The following NUP188 variants were observed in gnomAD, a reference collection of about 807,000 sequenced individuals.
NUP188 encodes nucleoporin 188.
A neutral mutation model predicts 223.0 loss-of-function variants in NUP188; 97 were observed. The ratio of observed to expected loss-of-function variants is 0.43; its 90% CI spans 0.37 to 0.51. The LOEUF is 0.51. Ranked by LOEUF, NUP188 falls within the 20% of genes least tolerant of loss-of-function variation. The pLI, the probability that NUP188 is intolerant of heterozygous loss-of-function variation, is 0.00. For synonymous variants in NUP188, 869 were observed against 828.0 expected (o/e 1.05, Z -0.85); for missense variants, 1,947 against 2,175.6 (o/e 0.89, Z 2.09).
intron 8 of NUP188, among the ~76,000 whole-genome samples, chr9:128,968,283 A>G (rs1842059101): frequency 6.6e-6 from 1 of 152,058 alleles, no homozygotes; most frequent in South Asian, 2.1e-4. Context: ...TAAAAAAAAA[A>G]ATTAAATACG....
intron 34 of NUP188, 101 bp from the exon 35 acceptor site, chr9:129,001,427 TG>T: frequency 2.0e-6 from 2 of 980,014 alleles, no homozygotes; most frequent in South Asian, 2.8e-5. Context: ...TAGCAATGTG[TG>T]TAACCAAGCA....
chr9:128,960,812 C>T (rs1841937499), intron 8 of NUP188, among the ~76,000 whole-genome samples: 1 of 151,882 alleles, frequency 6.6e-6, no homozygotes, highest in Admixed American at 6.6e-5. Context: ...TGGTGGGGCA[C>T]GGTGGCTCAG....
chr9:128,983,299 G>A lies in NUP188; in HGVS notation c.1803G>A (p.Thr601=). 6.2e-7 allele frequency: 1 copy of A among 1,613,890 alleles called. No individual in the cohort carries two copies. Among genetic ancestry groups the A allele is most frequent in the Middle Eastern group, 1.6e-4 (1 of 6,062 alleles). ...SRIYMLLQRL[T]TVISPPVDVI... is the part of the protein sequence containing the mutation. The stretch of plus-strand genomic sequence containing the variant: ...TGTATTGTTCTCCAACCAGGTTAAC[G>A]ACAGTGATCTCCCCACCTGTGGATG... The change falls in exon 18 of 44, where the codon ACG becomes ACA. Residue 601 remains threonine, a synonymous_variant. Transcript: ENST00000372577.
chr9:128,987,830 C>T, intron 23 of NUP188, 113 bp downstream of exon 23: 2 of 1,411,388 alleles, frequency 1.4e-6, no homozygotes, highest in Non-Finnish European at 1.9e-6. Context: ...ATTGTTCTTC[C>T]TAGGACATAG....
intron 8 of NUP188, among the ~76,000 whole-genome samples, chr9:128,968,088 C>T (rs17481261): frequency 2.6e-5 from 4 of 152,064 alleles, no homozygotes; most frequent in African/African-American, 9.7e-5. Context: ...AAGACCTGTT[C>T]TCTTCCAAAA....
At chr9:128,954,194 C>T (rs1472955567) in intron 3 of NUP188, among the ~76,000 whole-genome samples, 1 of 151,952 alleles carries the variant, frequency 6.6e-6, no homozygotes, top group Non-Finnish European at 1.5e-5. Flanking sequence ...TGCCTGTAGT[C>T]TCCTCTTAGC....
At position 128,968,617 on chromosome 9, in the gene NUP188, C is replaced by A; in HGVS notation, c.697C>A (p.Leu233Ile). ...AYFEMAPSDL[L>I]VLTKMFKEQG... ...CTTTGAGATGGCACCCAGTGACTTA[C>A]TTGTATTAACCAAGATGTTTAAAGA... Residue 233 changes from leucine (L) to isoleucine (I), a missense_variant, in exon 9 of 44, where the codon CTT becomes ATT. Around this residue, in one of 3 missense-constraint regions of NUP188, gnomAD observed 817 missense variants for 865.8 expected, o/e 0.94. Transcript: ENST00000372577. 6.2e-7 allele frequency: 1 copy of A among 1,613,996 alleles called. No homozygotes were observed.
chr9:128,965,001 C>T (rs940139341), intron 8 of NUP188, among the ~76,000 whole-genome samples: 6 of 152,138 alleles, frequency 3.9e-5, no homozygotes, highest in African/African-American at 7.2e-5. Flanking sequence ...CCTCCTCACC[C>T]GGCCAAAATT....
At chr9:128,988,287 T>C (rs1363853237) in intron 24 of NUP188, 101 bp downstream of exon 24, 1 of 1,315,778 alleles carries the variant, frequency 7.6e-7, no homozygotes, top group East Asian at 2.3e-5. Flanking sequence ...ATGTCAACAG[T>C]ATTTTCTGCT....
chr9:128,980,742 G>A lies in NUP188; in HGVS notation c.1389+17G>A, dbSNP rs1237988944. On this transcript the variant is annotated intron_variant, in intron 14 of 43. Coordinates refer to ENST00000372577, the MANE Select transcript of NUP188 (RefSeq NM_015354.3). Reference sequence around the variant, plus strand: ...GCCAAAAAGGTAAGTTGCTTAGTCAGATAAGTAAAGAGAATGGGAGATTCT... The same window carrying A: ...GCCAAAAAGGTAAGTTGCTTAGTCAAATAAGTAAAGAGAATGGGAGATTCT... 1.2e-6 allele frequency: 2 copies of A among 1,612,242 alleles called. No individual in the cohort carries two copies. Among genetic ancestry groups the A allele is most frequent in the Admixed American group, 1.7e-5 (1 of 59,564 alleles).
chr9:128,969,422 G>A lies in NUP188; in HGVS notation c.820G>A (p.Val274Met). Residue 274 changes from valine (V) to methionine (M), a missense_variant, in exon 10 of 44, where the codon GTG becomes ATG. Physicochemically the swap from Val to Met is conservative, Grantham distance 21. Coordinates refer to ENST00000372577, the MANE Select transcript of NUP188 (RefSeq NM_015354.3). ...RIGYFSALIL[V>M]EGMDIESLHK... ...TAGCTACTTCAGTGCCCTCATCCTG[G>A]TGGAGGGCATGGATATCGAGTCCTT... 6.2e-7 allele frequency: 1 copy of A among 1,611,794 alleles called. No homozygotes were observed. Among genetic ancestry groups the A allele is most frequent in the Non-Finnish European group, 8.5e-7 (1 of 1,178,892 alleles).
At position 128,969,459 on chromosome 9, in the gene NUP188, C is replaced by A; in HGVS notation, c.857C>A (p.Ala286Asp). 1.2e-6 allele frequency: 2 copies of A among 1,604,130 alleles called. No homozygotes were observed. The highest frequency in any genetic ancestry group is 1.7e-6 in the Non-Finnish European group (2 of 1,176,962). ...GMDIESLHKC[A>D]LDDRRELHQF... The stretch of plus-strand genomic sequence containing the variant: ...GATATCGAGTCCTTGCATAAGTGTG[C>A]TTTGGATGACAGAAGAGAACTGCAT... The change falls in exon 10 of 44, where the codon GCT (alanine) becomes GAT (aspartate). Residue 286 changes from alanine to aspartate, a missense_variant. Coordinates refer to ENST00000372577, the MANE Select transcript of NUP188 (RefSeq NM_015354.3).
intron 2 of NUP188, among the ~76,000 whole-genome samples, chr9:128,950,246 CAG>C (rs993716582): frequency 1.3e-5 from 2 of 151,156 alleles, no homozygotes; most frequent in African/African-American, 4.9e-5. Context: ...GTTGTTGAGA[CAG>C]AGTCTGGCTC....
At chr9:128,999,055 G>T in intron 32 of NUP188, 117 bp from the exon 33 acceptor site, 1 of 746,894 alleles carries the variant, frequency 1.3e-6, no homozygotes, top group Admixed American at 2.4e-5. Flanking sequence ...GTTTCACCAT[G>T]TTGGCCAGGC....
intron 11 of NUP188, 79 bp from the exon 12 acceptor site, chr9:128,973,081 T>C: frequency 1.3e-6 from 1 of 766,876 alleles, no homozygotes; most frequent in Non-Finnish European, 2.1e-6. Context: ...AAAGAATATA[T>C]GAATGCGATA....
intron 36 of NUP188, 61 bp downstream of exon 36, chr9:129,002,037 G>T: frequency 6.6e-6 from 9 of 1,360,102 alleles, no homozygotes; most frequent in Non-Finnish European, 9.5e-6. Flanking sequence ...CAGTTGAAAA[G>T]TGTCCTCCCC....
intron 8 of NUP188, among the ~76,000 whole-genome samples, chr9:128,961,622 A>ATAGATAGATAGATAGAT (rs774001270): frequency 3.1e-4 from 41 of 133,950 alleles, no homozygotes; most frequent in African/African-American, 1.2e-3. Flanking sequence ...AGATAGATAG[A>ATAGATAGATAGATAGAT]TTTTTTTTTT....
At chr9:128,994,301 G>C in intron 27 of NUP188, 72 bp from the exon 28 acceptor site, 2 of 1,000,390 alleles carry the variant, frequency 2.0e-6, no homozygotes, top group Non-Finnish European at 3.2e-6. Flanking sequence ...ACCACCAAAG[G>C]GAGCTTGAGA....
In NUP188 at chr9:128,980,600, C is replaced by T. The variant is rs1456214043; in HGVS notation, c.1270-6C>T. ...AAGATCAGTGATTTGTCCCCTTCCACCACAGGAGCCAACTTCTGGCCTTGG... is the reference window on the plus strand; with the variant it reads ...AAGATCAGTGATTTGTCCCCTTCCATCACAGGAGCCAACTTCTGGCCTTGG... On this transcript the variant is annotated splice_polypyrimidine_tract_variant and splice_region_variant and intron_variant, in intron 13 of 43. Transcript: ENST00000372577. 1 of 1,609,560 alleles carries T rather than the reference C, an allele frequency of 6.2e-7. No individual in the cohort carries two copies. The highest frequency in any genetic ancestry group is 1.1e-5 in the South Asian group (1 of 90,046).
Sources: allele counts gnomAD v4.1 joint callset (sites outside exome capture counted in the v4.1 genomes callset), GRCh38; gene constraint gnomAD v4.1.1; regional missense constraint gnomAD v4.1.1; transcripts MANE v1.5; gene names NCBI Gene and HGNC (gene_info 2026-07-23, HGNC 2026-07-21).